NHS: variants seen among roughly 807,000 people sequenced by gnomAD.
NHS encodes NHS actin remodeling regulator.
NHS carries 5 observed loss-of-function variants against 72.5 expected under a neutral mutation model. That is an observed-to-expected ratio of 0.07 (90% CI 0.04 to 0.14). NHS has a LOEUF of 0.14. Among genes scored for constraint, NHS ranks in the 10% least tolerant of loss-of-function variants. NHS has a pLI of 1.00. For missense variants in NHS, 1,072 were observed against 1,355.7 expected (o/e 0.79, Z 3.29); for synonymous variants, 464 against 547.7 (o/e 0.85, Z 2.13).
chrX:17,442,622 C>T (rs905877444), intron 1 of NHS, among the ~76,000 whole-genome samples: 3 of 112,158 alleles, frequency 2.7e-5, no homozygotes, highest in African/African-American at 9.7e-5. Context: ...TCAGACAATT[C>T]GGGTCATTAT....
At chrX:17,511,162 A>T (rs1408138842) in intron 1 of NHS, among the ~76,000 whole-genome samples, 1 of 111,801 alleles carries the variant, frequency 8.9e-6, no homozygotes, top group Non-Finnish European at 1.9e-5. Context: ...GCAGGATGTG[A>T]CCTTGGCTGG....
chrX:17,731,412 AT>A (rs2066486246), intron 8 of NHS, among the ~76,000 whole-genome samples: 1 of 107,880 alleles, frequency 9.3e-6, no homozygotes, highest in Non-Finnish European at 1.9e-5. Context: ...TAATTTTTGT[AT>A]TTTTAGTAGA....
chrX:17,454,192 A>G (rs1201042601), intron 1 of NHS, among the ~76,000 whole-genome samples: 1 of 112,071 alleles, frequency 8.9e-6, no homozygotes, highest in Non-Finnish European at 1.9e-5. Flanking sequence ...GTTGATTTAT[A>G]GGCTATTTGA....
intron 3 of NHS, among the ~76,000 whole-genome samples, chrX:17,695,822 C>G (rs778314887): frequency 4.6e-5 from 5 of 109,496 alleles, no homozygotes; most frequent in Non-Finnish European, 7.6e-5. Flanking sequence ...AAACCCTAAA[C>G]CCTTTGTTAG....
chrX:17,579,507 A>G (rs1246212065), intron 1 of NHS, among the ~76,000 whole-genome samples: 1 of 111,344 alleles, frequency 9.0e-6, no homozygotes, highest in East Asian at 2.8e-4. Context: ...CCCAAAGGAA[A>G]CACTTTAATT....
intron 1 of NHS, among the ~76,000 whole-genome samples, chrX:17,513,366 C>T (rs1338898544): frequency 8.9e-6 from 1 of 112,223 alleles, no homozygotes; most frequent in East Asian, 2.8e-4. Flanking sequence ...AATCAAGCAA[C>T]TTATACACCA....
chrX:17,534,121 T>TGTGTGC (rs1353399127), intron 1 of NHS, among the ~76,000 whole-genome samples: 2 of 111,905 alleles, frequency 1.8e-5, no homozygotes, highest in Admixed American at 9.4e-5. Context: ...TGTGTGTGTG[T>TGTGTGC]GCATACACAC....
intron 1 of NHS, among the ~76,000 whole-genome samples, chrX:17,610,616 C>T (rs2065706284): frequency 8.9e-6 from 1 of 111,992 alleles, no homozygotes; most frequent in Non-Finnish European, 1.9e-5. Flanking sequence ...CTTGTGGCCA[C>T]ATTGCTTCTT....
chrX:17,425,548 AAAAAAAAAAAAAAAAAAAAAAAAGAAAG>A (rs2064651380), intron 1 of NHS, among the ~76,000 whole-genome samples: 1 of 54,503 alleles, frequency 1.8e-5, no homozygotes, highest in African/African-American at 5.7e-5. Flanking sequence ...AAAAAAAAAA[AAAAAAAAAAAAAAAAAAAAAAAAGAAAG>A]AAAGAAAGAA....
chrX:17,455,535 A>G (rs184142017), intron 1 of NHS, among the ~76,000 whole-genome samples: 1 of 112,215 alleles, frequency 8.9e-6, no homozygotes, highest in East Asian at 2.8e-4. Context: ...TTGACTAAGG[A>G]CACAGCTGGT....
intron 1 of NHS, among the ~76,000 whole-genome samples, chrX:17,511,146 G>T (rs2065085349): frequency 8.9e-6 from 1 of 111,976 alleles, no homozygotes; most frequent in African/African-American, 3.2e-5. Flanking sequence ...CCTTACTTGT[G>T]GGTGGGCAGG....
chrX:17,617,984 G>C (rs1181794580), intron 1 of NHS, among the ~76,000 whole-genome samples: 8 of 112,127 alleles, frequency 7.1e-5, no homozygotes, highest in Non-Finnish European at 5.6e-5. Context: ...GTTCCCTAAT[G>C]TGAAAAATGT....
At chrX:17,662,837 A>G (rs1238154311) in intron 1 of NHS, among the ~76,000 whole-genome samples, 1 of 112,120 alleles carries the variant, frequency 8.9e-6, no homozygotes, top group Non-Finnish European at 1.9e-5. Context: ...TTACCTCAAA[A>G]TCTAGGAGAC....
At chrX:17,429,224 A>ATGTGTG (rs10616889) in intron 1 of NHS, among the ~76,000 whole-genome samples, 39 of 96,842 alleles carry the variant, frequency 4.0e-4, no homozygotes, top group African/African-American at 6.1e-4. Context: ...GTACTGGGGG[A>ATGTGTG]TGTGTGTGTG....
chrX:17,632,771 A>G (rs969700877), intron 1 of NHS, among the ~76,000 whole-genome samples: 1 of 112,024 alleles, frequency 8.9e-6, no homozygotes, highest in Non-Finnish European at 1.9e-5. Flanking sequence ...TTACTGGCAT[A>G]TCATTAGATT....
At chrX:17,448,261 C>T (rs1255945305) in intron 1 of NHS, among the ~76,000 whole-genome samples, 1 of 112,206 alleles carries the variant, frequency 8.9e-6, no homozygotes, top group Non-Finnish European at 1.9e-5. Flanking sequence ...AATATATTCC[C>T]TTTAGAGCCA....
chrX:17,463,601 C>T (rs760820449), intron 1 of NHS, among the ~76,000 whole-genome samples: 1 of 111,424 alleles, frequency 9.0e-6, no homozygotes, highest in Non-Finnish European at 1.9e-5. Flanking sequence ...CCTGACTTTT[C>T]AGATTTTTGC....
chrX:17,700,272 G>A lies in NHS; in HGVS notation c.852+7804G>A, dbSNP rs780771540. On this transcript the variant is annotated intron_variant, in intron 3 of 8. Coordinates refer to ENST00000676302, the MANE Select transcript of NHS (RefSeq NM_001291867.2). ...AGCCTGGGTAACATGGTGAAACCCC[G>A]TCTCTACAAAAAAATACAAAAATTA... Among the ~76,000 whole-genome samples, 12 of 108,341 alleles carry A rather than the reference G, an allele frequency of 1.1e-4. No individual in the cohort carries two copies. In the South Asian group the frequency reaches 1.6e-3, roughly 15 times the overall value. 94.1% of individuals were successfully genotyped at this position (108,341 alleles called of 115,157 possible).
Position 17,595,550 on chromosome X carries a change from T to G in NHS, c.566-92192T>G, listed in dbSNP as rs1054748530. The stretch of plus-strand genomic sequence containing the variant: ...TCTCAAATCTTGTTAATACTTAACC[T>G]GGGGTCAAGGTTTCTTTGGGCGCAG... On this transcript the variant is annotated intron_variant, in intron 1 of 8. Transcript: ENST00000676302. 2.7e-5 allele frequency among the ~76,000 whole-genome samples: 3 copies of G among 111,879 alleles called. No homozygotes were observed. The Admixed American group carries it at 2.9e-4, about 11-fold the overall frequency.
Sources: allele counts gnomAD v4.1 joint callset (sites outside exome capture counted in the v4.1 genomes callset), GRCh38; gene constraint gnomAD v4.1.1; transcripts MANE v1.5; gene names NCBI Gene and HGNC (gene_info 2026-07-23, HGNC 2026-07-21).